Variants in ADTRP observed in about 807,000 individuals in gnomAD.
ADTRP encodes the protein androgen-dependent TFPI-regulating protein.
Under a neutral mutation model 27.0 loss-of-function variants are expected in ADTRP, and 20 were observed. The observed-to-expected ratio is 0.74, with a 90% CI of 0.52 to 1.08. The LOEUF (loss-of-function observed/expected upper bound fraction) is 1.08. ADTRP is among the 50% of genes least tolerant of loss of function. The pLI is 0.00. For missense variants in ADTRP, 251 were observed against 275.0 expected, an observed-to-expected ratio of 0.91 and a Z score of 0.62; for synonymous variants, 101 against 105.2, an observed-to-expected ratio of 0.96 and a Z score of 0.25.
At chr6:11,725,240 A>G (rs1469182074) in intron 4 of ADTRP, among the ~76,000 whole-genome samples, 2 of 152,232 alleles carry the variant, frequency 1.3e-5, no homozygotes, top group Non-Finnish European at 2.9e-5. Flanking sequence ...AAGGCAATCC[A>G]TGGAATGGGA....
chr6:11,723,598 A>C, intron 4 of ADTRP, 98 bp from the exon 5 acceptor site: 1 of 1,417,438 alleles, frequency 7.1e-7, no homozygotes, highest in Admixed American at 2.0e-5. Context: ...AGGCAGGGGA[A>C]GAGAACCCAT....
intron 1 of ADTRP, among the ~76,000 whole-genome samples, chr6:11,773,679 G>T (rs1201997193): frequency 6.6e-6 from 1 of 152,206 alleles, no homozygotes; most frequent in Non-Finnish European, 1.5e-5. Context: ...CGCTGGGGAG[G>T]TATGAGGATC....
intron 2 of ADTRP, among the ~76,000 whole-genome samples, 169 bp from the exon 3 acceptor site, chr6:11,766,544 G>T (rs1371031308): frequency 6.6e-6 from 1 of 152,118 alleles, no homozygotes; most frequent in Non-Finnish European, 1.5e-5. Flanking sequence ...TCTACAATAA[G>T]CATTCTTCCC....
chr6:11,746,201 T>C (rs1486137219), intron 3 of ADTRP, among the ~76,000 whole-genome samples: 1 of 152,156 alleles, frequency 6.6e-6, no homozygotes, highest in South Asian at 2.1e-4. Flanking sequence ...ATTTATGAGT[T>C]TGACACTCAG....
At chr6:11,766,966 C>T (rs1022466799) in intron 2 of ADTRP, among the ~76,000 whole-genome samples, 5 of 152,232 alleles carry the variant, frequency 3.3e-5, no homozygotes, top group African/African-American at 1.2e-4. Context: ...GAAGTCAACG[C>T]ATAGATAAGG....
chr6:11,755,037 C>T (rs1763168962), intron 3 of ADTRP: 3 of 985,224 alleles, frequency 3.0e-6, no homozygotes, highest in Middle Eastern at 1.0e-3. Context: ...GTTTCTCCAG[C>T]CTGGTTATTC....
At chr6:11,714,619 C>T (rs557993116) in intron 5 of ADTRP, 107 bp from the exon 6 acceptor site, 4 of 1,271,256 alleles carry the variant, frequency 3.1e-6, no homozygotes. Context: ...GAAAGTTGAA[C>T]ACACTTTTCC....
intron 5 of ADTRP, among the ~76,000 whole-genome samples, chr6:11,718,188 G>A (rs1223907061): frequency 6.6e-6 from 1 of 152,218 alleles, no homozygotes; most frequent in Non-Finnish European, 1.5e-5. Context: ...GGATGAGAAG[G>A]ACCTATGGTC....
At chr6:11,778,562 T>C in intron 1 of ADTRP, 45 bp downstream of exon 1, 1 of 1,583,282 alleles carries the variant, frequency 6.3e-7, no homozygotes, top group Non-Finnish European at 8.6e-7. Flanking sequence ...AGCACTGATA[T>C]TCTAGAGAAA....
At chr6:11,738,286 G>A (rs530643429) in intron 3 of ADTRP, among the ~76,000 whole-genome samples, 7 of 152,300 alleles carry the variant, frequency 4.6e-5, no homozygotes, top group Admixed American at 3.3e-4. Context: ...CCAGCTGCTG[G>A]AGTATGGTTG....
chr6:11,724,301 G>T (rs1036833252), intron 4 of ADTRP, among the ~76,000 whole-genome samples: 4 of 152,156 alleles, frequency 2.6e-5, no homozygotes, highest in African/African-American at 7.2e-5. Flanking sequence ...GGATGAGGGA[G>T]CAGAGATAGA....
At position 11,766,387 on chromosome 6, in the gene ADTRP, AAC is replaced by A. The variant is rs1763574609; in HGVS notation, c.289-14_289-13del. Reference sequence around the variant, plus strand: ...GCCAAAAATACAAACTGGAAAATAAAACACAAAAAATAGCATCATTAGGCTTG... The same window carrying A: ...GCCAAAAATACAAACTGGAAAATAAAACAAAAAATAGCATCATTAGGCTTG... On this transcript the variant is annotated splice_polypyrimidine_tract_variant and intron_variant, in intron 2 of 5. Coordinates refer to ENST00000414691, the MANE Select transcript of ADTRP (RefSeq NM_032744.4). The A allele has an allele frequency of 6.3e-7, 1 of 1,592,760 alleles. No homozygotes were observed. Among genetic ancestry groups the A allele is most frequent in the Non-Finnish European group, 8.6e-7 (1 of 1,162,778 alleles).
At chr6:11,738,071 G>C (rs1241217239) in intron 3 of ADTRP, among the ~76,000 whole-genome samples, 1 of 152,216 alleles carries the variant, frequency 6.6e-6, no homozygotes, top group Non-Finnish European at 1.5e-5. Flanking sequence ...TATGGGGATT[G>C]ACGTGAGTGC....
chr6:11,743,077 G>A (rs987165778), intron 3 of ADTRP, among the ~76,000 whole-genome samples: 11 of 152,320 alleles, frequency 7.2e-5, no homozygotes, highest in Admixed American at 3.3e-4. Flanking sequence ...GCTGTGGCCC[G>A]TCCTGCCTTC....
chr6:11,738,498 C>T (rs1311219357), intron 3 of ADTRP: 2 of 152,250 alleles, frequency 1.3e-5, no homozygotes, highest in Non-Finnish European at 2.9e-5. Context: ...CCAGGAAGAT[C>T]CAACCTCTAT....
At chr6:11,732,013 T>C (rs1009703276) in intron 4 of ADTRP, among the ~76,000 whole-genome samples, 1 of 152,164 alleles carries the variant, frequency 6.6e-6, no homozygotes, top group Non-Finnish European at 1.5e-5. Flanking sequence ...TGAGGTGTTT[T>C]GGGGTAGGAG....
chr6:11,744,870 T>C (rs920782982), intron 3 of ADTRP, among the ~76,000 whole-genome samples: 7 of 152,220 alleles, frequency 4.6e-5, no homozygotes, highest in Admixed American at 2.0e-4. Context: ...TCGTTTCCAA[T>C]ATCTCATCAC....
At chr6:11,736,999 T>G (rs192745687) in intron 3 of ADTRP, among the ~76,000 whole-genome samples, 1 of 152,072 alleles carries the variant, frequency 6.6e-6, no homozygotes, top group East Asian at 1.9e-4. Flanking sequence ...CCCTTAACAG[T>G]AGAGTTTTTA....
intron 5 of ADTRP, 44 bp downstream of exon 5, chr6:11,723,305 A>G (rs210905): frequency 0.83 from 1,324,106 of 1,601,322 alleles, 549,078 homozygotes; most frequent in East Asian, 1. Context: ...GGAGAGGCAG[A>G]CACGGAAGAA....
Sources: gnomAD v4.1 joint callset for allele counts (sites outside exome capture counted in the v4.1 genomes callset) on GRCh38, gnomAD v4.1.1 for gene constraint, MANE v1.5 for transcripts, NCBI Gene and HGNC (gene_info 2026-07-23, HGNC 2026-07-21) for gene names.